The following CCNB3 variants were observed in gnomAD, a reference collection of about 807,000 sequenced individuals.
CCNB3 encodes cyclin B3, also known as G2/mitotic-specific cyclin-B3.
Under a neutral mutation model 68.0 loss-of-function variants are expected in CCNB3, and 12 were observed. The observed-to-expected ratio is 0.18, with a 90% confidence interval of 0.11 to 0.29. The LOEUF is 0.29. CCNB3 is among the 10% of genes least tolerant of loss of function. The pLI, the probability that CCNB3 is intolerant of heterozygous loss-of-function variation, is 1.00. For missense variants in CCNB3, 904 were observed against 993.1 expected (o/e 0.91, Z 1.21); for synonymous variants, 354 against 388.9 (o/e 0.91, Z 1.06).
chrX:50,343,330 C>A (rs1271976977), intron 9 of CCNB3, among the ~76,000 whole-genome samples: 4 of 111,165 alleles, frequency 3.6e-5, no homozygotes, highest in Non-Finnish European at 7.5e-5. Context: ...TATACATGTG[C>A]CATGTTGGTG....
chrX:50,281,471 T>A (rs781454886), intron 1 of CCNB3, among the ~76,000 whole-genome samples: 1 of 111,504 alleles, frequency 9.0e-6, no homozygotes, highest in South Asian at 3.9e-4. Context: ...TACTGCTGGC[T>A]CCAGCGTCCG....
intron 5 of CCNB3, among the ~76,000 whole-genome samples, chrX:50,302,591 C>T (rs1344041082): frequency 9.0e-6 from 1 of 111,469 alleles, no homozygotes; most frequent in African/African-American, 3.3e-5. Flanking sequence ...TCCAAAGAAA[C>T]CCTGTACCTT....
In CCNB3 at chrX:50,309,793, A is replaced by G; in HGVS notation, c.1624A>G (p.Met542Val). The G allele has an allele frequency of 8.3e-7, 1 of 1,210,165 alleles. No individual in the cohort carries two copies. The highest frequency in any genetic ancestry group is 1.1e-6 in the Non-Finnish European group (1 of 894,092). Residue 542 changes from methionine (M) to valine (V), a missense_variant, in exon 6 of 13, where the codon ATG becomes GTG. This residue lies in a region of CCNB3 where 619 missense variants were observed against 609.8 expected (regional missense o/e 1.02). Transcript: ENST00000376042. ...AAAGAAAAAGTGTACCACACAAGAG[A>G]TGATGTCCATCTGTCCAGAACTGTT... ...SLKKKCTTQE[M>V]MSICPELLDF...
intron 8 of CCNB3, among the ~76,000 whole-genome samples, chrX:50,330,616 TGAA>T (rs1485796016): frequency 1.8e-5 from 2 of 112,028 alleles, no homozygotes; most frequent in African/African-American, 6.5e-5. Context: ...TTTTATCACT[TGAA>T]GAAGTACAGG....
chrX:50,293,429 G>A (rs1936385561), intron 4 of CCNB3, among the ~76,000 whole-genome samples: 1 of 109,386 alleles, frequency 9.1e-6, no homozygotes, highest in Non-Finnish European at 1.9e-5. Flanking sequence ...GTTTGCTCTT[G>A]GTTCTCTAGT....
chrX:50,331,810 G>T (rs1557218118), intron 8 of CCNB3, among the ~76,000 whole-genome samples: 1 of 111,762 alleles, frequency 8.9e-6, no homozygotes, highest in African/African-American at 3.3e-5. Flanking sequence ...TTTACTCGAG[G>T]ATTCAGTCTG....
intron 1 of CCNB3, among the ~76,000 whole-genome samples, chrX:50,227,640 TATAG>T (rs1935909492): frequency 1.1e-5 from 1 of 91,142 alleles, no homozygotes; most frequent in Non-Finnish European, 2.1e-5. Context: ...AATACATATA[TATAG>T]AGAGAATATA....
At chrX:50,348,834 C>T (rs782769021) in intron 11 of CCNB3, among the ~76,000 whole-genome samples, 3 of 112,352 alleles carry the variant, frequency 2.7e-5, no homozygotes, top group South Asian at 3.7e-4. Context: ...TCAGAATGGG[C>T]GTGGCCACAG....
At chrX:50,319,794 T>A (rs1195395407) in intron 8 of CCNB3, among the ~76,000 whole-genome samples, 1 of 111,783 alleles carries the variant, frequency 8.9e-6, no homozygotes, top group African/African-American at 3.2e-5. Flanking sequence ...ATTTCTAGTT[T>A]AATCCTGCGT....
At chrX:50,279,628 G>T (rs1209561308) in intron 1 of CCNB3, among the ~76,000 whole-genome samples, 1 of 73,269 alleles carries the variant, frequency 1.4e-5, no homozygotes, top group Non-Finnish European at 2.8e-5. Flanking sequence ...ATTCATCTAT[G>T]TAAATATATG....
intron 1 of CCNB3, among the ~76,000 whole-genome samples, chrX:50,279,962 GTA>G (rs1295597830): frequency 1.3e-4 from 10 of 79,226 alleles, no homozygotes; most frequent in East Asian, 3.7e-4. Context: ...GAATATATGA[GTA>G]TATATATAAT....
chrX:50,351,527 G>A, intron 12 of CCNB3, 80 bp from the exon 13 acceptor site: 1 of 1,042,376 alleles, frequency 9.6e-7, no homozygotes, highest in South Asian at 2.0e-5. Flanking sequence ...GAAACTAAGG[G>A]CTGTATGTCC....
At position 50,308,487 on chromosome X, in the gene CCNB3, A is replaced by G. The variant is rs1557213857; in HGVS notation, c.336-18A>G. On this transcript the variant is annotated intron_variant, in intron 5 of 12. Transcript: ENST00000376042. ...TAGGAACTACATTTTTCTTACCCAG[A>G]CATTGTTTCCTTCACAGGCATAAGC... The G allele has an allele frequency of 9.3e-7, 1 of 1,080,415 alleles. No homozygotes were observed. 89.0% of individuals were successfully genotyped at this position (1,080,415 alleles called of 1,213,427 possible).
intron 1 of CCNB3, among the ~76,000 whole-genome samples, chrX:50,228,104 A>G (rs1269331298): frequency 2.2e-5 from 2 of 89,931 alleles, no homozygotes; most frequent in African/African-American, 4.1e-5. Flanking sequence ...TATAATATAT[A>G]GAGAATATAT....
Position 50,310,882 on chromosome X carries a change from A to G in CCNB3, c.2713A>G (p.Lys905Glu), listed in dbSNP as rs868975501. ...SLDLQEKPSI[K>E]KETLLKKPLA... The stretch of plus-strand genomic sequence containing the variant: ...GGACTTGCAAGAGAAGCCCAGCATT[A>G]AGAAAGAGACCCTCCTCAAAAAGCC... The change falls in exon 6 of 13, where the codon AAG (lysine) becomes GAG (glutamate). Residue 905 changes from lysine to glutamate, a missense_variant. Physicochemically the swap from Lys to Glu is moderately conservative, Grantham distance 56. Around this residue, in one of 2 missense-constraint regions of CCNB3, gnomAD observed 285 missense variants for 383.4 expected, o/e 0.74. Coordinates refer to ENST00000376042, the MANE Select transcript of CCNB3 (RefSeq NM_033031.3). 1 of 1,211,869 alleles carries G rather than the reference A, an allele frequency of 8.3e-7. No homozygotes were observed. The highest frequency in any genetic ancestry group is 1.1e-6 in the Non-Finnish European group (1 of 895,478).
At chrX:50,289,977 A>G (rs2147028798) in intron 4 of CCNB3, among the ~76,000 whole-genome samples, 1 of 112,109 alleles carries the variant, frequency 8.9e-6, no homozygotes, top group South Asian at 3.7e-4. Flanking sequence ...AGCTTTCTGC[A>G]TAATTTCAGA....
At chrX:50,280,069 T>G (rs1454751337) in intron 1 of CCNB3, among the ~76,000 whole-genome samples, 4 of 87,782 alleles carry the variant, frequency 4.6e-5, no homozygotes. Flanking sequence ...ATATGGAATA[T>G]ATAAATATAT....
chrX:50,224,398 G>T (rs1326467273), intron 1 of CCNB3, among the ~76,000 whole-genome samples: 3 of 111,567 alleles, frequency 2.7e-5, no homozygotes, highest in Non-Finnish European at 5.7e-5. Context: ...TCAAAGGGCT[G>T]TCTTCTCTTT....
intron 8 of CCNB3, among the ~76,000 whole-genome samples, chrX:50,323,441 T>C (rs1557216846): frequency 9.9e-6 from 1 of 100,599 alleles, no homozygotes; most frequent in African/African-American, 3.5e-5. Flanking sequence ...GGGGGAGGGA[T>C]AGCATTAGGA....
Sources: gnomAD v4.1 joint callset for allele counts (sites outside exome capture counted in the v4.1 genomes callset) on GRCh38, gnomAD v4.1.1 for gene constraint, gnomAD v4.1.1 regional missense constraint, MANE v1.5 for transcripts, NCBI Gene and HGNC (gene_info 2026-07-23, HGNC 2026-07-21) for gene names.